Variants in MBNL2 observed in about 807,000 individuals in gnomAD.
The protein encoded by MBNL2 is muscleblind like splicing regulator 2.
In MBNL2, 17 loss-of-function variants were observed where a neutral mutation model predicts 41.9. That is an observed-to-expected ratio of 0.41 (90% CI 0.28 to 0.61). The LOEUF is 0.61. Ranked by LOEUF, MBNL2 falls within the 20% of genes least tolerant of loss-of-function variation. MBNL2 has a pLI of 0.35. For missense variants in MBNL2, 336 were observed against 505.6 expected, an observed-to-expected ratio of 0.66 and a Z score of 3.22; for synonymous variants, 195 against 182.9, an observed-to-expected ratio of 1.07 and a Z score of -0.53.
intron 2 of MBNL2, among the ~76,000 whole-genome samples, chr13:97,295,247 A>G (rs2056835005): frequency 6.6e-6 from 1 of 152,170 alleles, no homozygotes. Context: ...ACATACCTTG[A>G]GGGATAAAAG....
chr13:97,243,284 T>A (rs950277208), intron 1 of MBNL2, among the ~76,000 whole-genome samples: 2 of 152,246 alleles, frequency 1.3e-5, no homozygotes, highest in Non-Finnish European at 1.5e-5. Context: ...TCCTGACGGC[T>A]TATTTATTTA....
chr13:97,248,745 TAAAG>T (rs2045964984), intron 1 of MBNL2, among the ~76,000 whole-genome samples: 1 of 152,194 alleles, frequency 6.6e-6, no homozygotes. Context: ...TAAAATCAGA[TAAAG>T]AAAAGGTGGG....
At chr13:97,204,705 G>A in the MBNL2 span, among the ~76,000 whole-genome samples, 2 of 152,100 alleles carry the variant, frequency 1.3e-5, no homozygotes, top group Admixed American at 6.6e-5. Context: ...CAGGGAGTGG[G>A]TTGCGGCCCA....
At chr13:97,309,052 A>G (rs900360777) in intron 2 of MBNL2, among the ~76,000 whole-genome samples, 12 of 152,292 alleles carry the variant, frequency 7.9e-5, no homozygotes, top group Admixed American at 7.2e-4. Flanking sequence ...CAGAGGCAGA[A>G]AAGTGTGGGT....
rs191671378 is a variant in MBNL2 at position 97,369,770 on chromosome 13, A to G, written c.1048+4599A>G. Among the ~76,000 whole-genome samples the G allele has an allele frequency of 8.5e-5, 13 of 152,348 alleles. No homozygotes were observed. The East Asian group carries it at 2.5e-3, about 29-fold the overall frequency. On this transcript the variant is annotated intron_variant, in intron 8 of 8. Transcript: ENST00000679496. The stretch of plus-strand genomic sequence containing the variant: ...GTGCCACCAATAAAAGTTTTCACTG[A>G]ATTTAGACTGGTGGTTTGAGATTAA...
chr13:97,166,837 T>TAGATAGATAGAAAGAAAGAAAGAAAGAA, the MBNL2 span, among the ~76,000 whole-genome samples: 3 of 143,384 alleles, frequency 2.1e-5, no homozygotes, highest in Admixed American at 7.0e-5. Flanking sequence ...GATAGATAGA[T>TAGATAGATAGAAAGAAAGAAAGAAAGAA]AGAAAGATAG....
rs563833326 is a variant in MBNL2 at position 97,334,502 on chromosome 13, C to T, written c.339+62C>T. ...TACAGTGTTGGTATGGATGATGCCACGTTGACCTAGGGTGGCCTCTCTCCA... is the reference window on the plus strand; with the variant it reads ...TACAGTGTTGGTATGGATGATGCCATGTTGACCTAGGGTGGCCTCTCTCCA... On this transcript the variant is annotated intron_variant, in intron 3 of 8. Coordinates refer to ENST00000679496, the MANE Select transcript of MBNL2 (RefSeq NM_001382683.1). This position sits in a 1 kb window ranked among gnomAD's most constrained non-coding sequence, Gnocchi z 5.3. 3.7e-5 allele frequency: 47 copies of T among 1,278,318 alleles called. No homozygotes were observed. The highest frequency in any genetic ancestry group is 1.8e-4 in the South Asian group (11 of 61,922). The allele number at this position is 1,278,318 out of a possible 1,614,324, so 79.2% of individuals were successfully genotyped here.
At chr13:97,351,017 T>C (rs1711596130) in intron 5 of MBNL2, among the ~76,000 whole-genome samples, 1 of 152,228 alleles carries the variant, frequency 6.6e-6, no homozygotes, top group African/African-American at 2.4e-5. Context: ...ACAAAATGTA[T>C]TTCTCGATTA....
intron 1 of MBNL2, among the ~76,000 whole-genome samples, chr13:97,231,363 C>T (rs1399059319): frequency 6.6e-6 from 1 of 152,164 alleles, no homozygotes; most frequent in East Asian, 1.9e-4. Flanking sequence ...GTAACAGGCT[C>T]CAGGTGATAA....
the MBNL2 span, chr13:97,179,605 C>T: frequency 2.0e-5 from 3 of 152,340 alleles, no homozygotes; most frequent in Non-Finnish European, 2.9e-5. Flanking sequence ...TTGCTTGCTT[C>T]CTGACCTGCT....
intron 1 of MBNL2, among the ~76,000 whole-genome samples, chr13:97,266,511 G>A (rs915149333): frequency 2.0e-5 from 3 of 152,192 alleles, no homozygotes; most frequent in Non-Finnish European, 2.9e-5. Context: ...TCCTTCTGGA[G>A]ATCAAGTGGC....
the MBNL2 span, among the ~76,000 whole-genome samples, chr13:97,142,893 CT>C: frequency 6.6e-6 from 1 of 152,118 alleles, no homozygotes; most frequent in Non-Finnish European, 1.5e-5. Context: ...AAAATCAGAG[CT>C]GTTCTTTAGA....
chr13:97,263,886 C>T (rs531043760), intron 1 of MBNL2, among the ~76,000 whole-genome samples: 5 of 150,902 alleles, frequency 3.3e-5, no homozygotes, highest in South Asian at 2.1e-4. Context: ...CGAAAGTGCT[C>T]GGATTACAGG....
the MBNL2 span, among the ~76,000 whole-genome samples, chr13:97,170,529 G>A: frequency 6.6e-6 from 1 of 152,150 alleles, no homozygotes; most frequent in Non-Finnish European, 1.5e-5. Flanking sequence ...ATTTTACAAA[G>A]GAAGTTTGGG....
rs534076323 is a variant in MBNL2, at chr13:97,273,773, A to G, written c.-604-1859A>G. ...AGACACAGCAGCCAAGAAAAGCCCT[A>G]TTGCAGGCCGGACGCGGTGGCTCAC... On this transcript the variant is annotated intron_variant, in intron 1 of 8. Transcript: ENST00000679496. 7.9e-5 allele frequency among the ~76,000 whole-genome samples: 12 copies of G among 152,282 alleles called. No homozygotes were observed. In the East Asian group the frequency reaches 2.3e-3, roughly 29 times the overall value.
intron 1 of MBNL2, among the ~76,000 whole-genome samples, chr13:97,243,051 G>A (rs2044651798): frequency 6.6e-6 from 1 of 152,206 alleles, no homozygotes; most frequent in Non-Finnish European, 1.5e-5. Context: ...TGAGCTCAGA[G>A]TGTCACCAAC....
At position 97,378,398 on chromosome 13, in the gene MBNL2, G is replaced by C. The variant is rs186321905; in HGVS notation, c.1049-12924G>C. Among the ~76,000 whole-genome samples the C allele has an allele frequency of 2.7e-4, 41 of 152,288 alleles. 1 individual carries two copies. In the East Asian group the frequency reaches 7.1e-3, roughly 27 times the overall value. ...AGCCTAGAAGCCGGGTTTGAACCAA[G>C]TTTAACTTTAAAGAGTGGGAAATCC... On this transcript the variant is annotated intron_variant, in intron 8 of 8. Coordinates refer to ENST00000679496, the MANE Select transcript of MBNL2 (RefSeq NM_001382683.1).
At chr13:97,323,821 T>C (rs1003760681) in intron 2 of MBNL2, among the ~76,000 whole-genome samples, 1 of 152,170 alleles carries the variant, frequency 6.6e-6, no homozygotes, top group Non-Finnish European at 1.5e-5. Flanking sequence ...TATATACTTA[T>C]GGGGTGCATG....
At chr13:97,308,755 CT>C (rs1424592840) in intron 2 of MBNL2, among the ~76,000 whole-genome samples, 3 of 152,262 alleles carry the variant, frequency 2.0e-5, no homozygotes, top group East Asian at 3.9e-4. Context: ...CAAGCCTTCA[CT>C]TTGGGGGAGT....
Sources: allele counts gnomAD v4.1 joint callset (sites outside exome capture counted in the v4.1 genomes callset), GRCh38; gene constraint gnomAD v4.1.1; non-coding constraint Gnocchi (gnomAD v3.1); transcripts MANE v1.5; gene names NCBI Gene and HGNC (gene_info 2026-07-23, HGNC 2026-07-21).